CNTNAP2: variants seen among roughly 807,000 people sequenced by gnomAD.
CNTNAP2 encodes contactin associated protein 2, also known as contactin-associated protein-like 2.
In CNTNAP2, 98 loss-of-function variants were observed where a neutral mutation model predicts 155.2. The observed-to-expected ratio is 0.63, with a 90% CI of 0.54 to 0.75. CNTNAP2 has a LOEUF of 0.75. Ranked by LOEUF, CNTNAP2 falls within the 30% of genes least tolerant of loss-of-function variation. The pLI is 0.00. For missense variants in CNTNAP2, 1,727 were observed against 1,688.1 expected (o/e 1.02, Z -0.40); for synonymous variants, 651 against 631.2 (o/e 1.03, Z -0.47).
intron 15 of CNTNAP2, among the ~76,000 whole-genome samples, chr7:148,029,328 C>A (rs950544647): frequency 6.6e-6 from 1 of 152,156 alleles, no homozygotes; most frequent in Non-Finnish European, 1.5e-5. Context: ...GTCTTAGAGG[C>A]ATTATGTGGC....
intron 8 of CNTNAP2, among the ~76,000 whole-genome samples, chr7:147,241,663 G>C (rs888256859): frequency 2.4e-4 from 35 of 145,278 alleles, no homozygotes; most frequent in African/African-American, 8.5e-4. Flanking sequence ...AAAAGAAATT[G>C]TTTTGCTCTT....
chr7:146,911,408 A>G (rs1796273568), intron 3 of CNTNAP2, among the ~76,000 whole-genome samples: 1 of 152,066 alleles, frequency 6.6e-6, no homozygotes, highest in South Asian at 2.1e-4. Flanking sequence ...AACCAACCCA[A>G]ATGTCCAACA....
At chr7:146,971,079 G>A (rs536974007) in intron 3 of CNTNAP2, among the ~76,000 whole-genome samples, 1 of 152,126 alleles carries the variant, frequency 6.6e-6, no homozygotes, top group African/African-American at 2.4e-5. Context: ...GAGGGGGAGG[G>A]ATAGCTTTAG....
intron 1 of CNTNAP2, among the ~76,000 whole-genome samples, chr7:146,678,424 A>T (rs1377808928): frequency 1.3e-5 from 2 of 152,162 alleles, no homozygotes; most frequent in Non-Finnish European, 2.9e-5. Context: ...TTTCAAATGC[A>T]GTCTTTTAAA....
intron 1 of CNTNAP2, among the ~76,000 whole-genome samples, chr7:146,302,379 T>C (rs961763053): frequency 6.6e-6 from 1 of 152,148 alleles, no homozygotes; most frequent in Non-Finnish European, 1.5e-5. Flanking sequence ...GGTTTATATA[T>C]GTGATCTTTC....
intron 21 of CNTNAP2, among the ~76,000 whole-genome samples, chr7:148,325,018 T>A (rs1797864540): frequency 6.6e-6 from 1 of 152,268 alleles, no homozygotes; most frequent in Non-Finnish European, 1.5e-5. Flanking sequence ...ATTGAAAATA[T>A]CTGTGTCAAA....
chr7:146,468,106 T>C (rs1239745339), intron 1 of CNTNAP2, among the ~76,000 whole-genome samples: 1 of 152,150 alleles, frequency 6.6e-6, no homozygotes, highest in Non-Finnish European at 1.5e-5. Flanking sequence ...AAAGAAAGCA[T>C]AATATTAGAC....
chr7:147,273,542 A>G (rs1525216), intron 8 of CNTNAP2, among the ~76,000 whole-genome samples: 63,142 of 151,242 alleles, frequency 0.42, 13,714 homozygotes, highest in East Asian at 0.76. Context: ...CCCGGTATCT[A>G]TAATTTCCAT....
At chr7:146,492,819 CT>C (rs1210211557) in intron 1 of CNTNAP2, among the ~76,000 whole-genome samples, 8 of 152,062 alleles carry the variant, frequency 5.3e-5, no homozygotes, top group African/African-American at 1.7e-4. Context: ...ACATTTTTTC[CT>C]TTTGTGGCAA....
intron 9 of CNTNAP2, among the ~76,000 whole-genome samples, chr7:147,325,216 C>G (rs1218117968): frequency 6.6e-6 from 1 of 152,150 alleles, no homozygotes; most frequent in African/African-American, 2.4e-5. Flanking sequence ...AGGAGAATCA[C>G]TTGAACCCAG....
intron 1 of CNTNAP2, among the ~76,000 whole-genome samples, chr7:146,720,533 C>T (rs1801268148): frequency 1.3e-5 from 2 of 151,910 alleles, no homozygotes; most frequent in Non-Finnish European, 2.9e-5. Context: ...GTTAAAGCTG[C>T]CACATTTTTA....
chr7:147,855,424 G>A (rs1016701804), intron 13 of CNTNAP2, among the ~76,000 whole-genome samples: 2 of 151,998 alleles, frequency 1.3e-5, no homozygotes, highest in East Asian at 3.9e-4. Context: ...TTACCTGGAT[G>A]CTTCTTCTCC....
At chr7:148,220,257 A>C (rs1164590484) in intron 19 of CNTNAP2, among the ~76,000 whole-genome samples, 1 of 152,056 alleles carries the variant, frequency 6.6e-6, no homozygotes, top group Admixed American at 6.5e-5. Context: ...CGCCTGCCAC[A>C]ACGCCCGGCT....
intron 13 of CNTNAP2, among the ~76,000 whole-genome samples, chr7:147,647,819 A>T (rs891578242): frequency 6.6e-6 from 1 of 152,234 alleles, no homozygotes; most frequent in Non-Finnish European, 1.5e-5. Context: ...GGAAAGTCCT[A>T]TAATTGGGAA....
chr7:146,918,739 A>G (rs934392729), intron 3 of CNTNAP2, among the ~76,000 whole-genome samples: 3 of 152,238 alleles, frequency 2.0e-5, no homozygotes, highest in African/African-American at 7.2e-5. Flanking sequence ...CAGCAAGGTC[A>G]GGGAAGTTTT....
At position 147,302,190 on chromosome 7, in the gene CNTNAP2, C is replaced by T. The variant is rs540139855; in HGVS notation, c.1498+1900C>T. 3.3e-3 allele frequency among the ~76,000 whole-genome samples: 506 copies of T among 152,304 alleles called. 3 individuals are homozygous for T. The highest frequency in any genetic ancestry group is 5.7e-3 in the Non-Finnish European group (390 of 68,036). On this transcript the variant is annotated intron_variant, in intron 9 of 23. Transcript: ENST00000361727. ...GGCTTATGGCCAACAGTTTTCATTG[C>T]TATGATCACAAATAGATCACAGTTG...
intron 1 of CNTNAP2, among the ~76,000 whole-genome samples, chr7:146,606,054 T>A (rs1354686197): frequency 6.6e-6 from 1 of 152,214 alleles, no homozygotes; most frequent in African/African-American, 2.4e-5. Flanking sequence ...TTAATATGTA[T>A]GTATACATTT....
intron 3 of CNTNAP2, among the ~76,000 whole-genome samples, chr7:146,960,024 C>T (rs1433267909): frequency 2.6e-5 from 4 of 152,096 alleles, no homozygotes; most frequent in Admixed American, 6.5e-5. Flanking sequence ...CACAGGTTGT[C>T]CACTCGCAAA....
chr7:146,716,048 C>G (rs1363897433), intron 1 of CNTNAP2, among the ~76,000 whole-genome samples: 1 of 152,024 alleles, frequency 6.6e-6, no homozygotes, highest in Non-Finnish European at 1.5e-5. Flanking sequence ...CATTCACTTA[C>G]CCACTAAATT....
Sources: allele counts gnomAD v4.1 joint callset (sites outside exome capture counted in the v4.1 genomes callset), GRCh38; gene constraint gnomAD v4.1.1; transcripts MANE v1.5; gene names NCBI Gene and HGNC (gene_info 2026-07-23, HGNC 2026-07-21).